QTMAN: variants seen among roughly 807,000 people sequenced by gnomAD.
QTMAN encodes tRNA-queuosine alpha-mannosyltransferase.
At chr2:144,309,014 G>A in the QTMAN span, among the ~76,000 whole-genome samples, 1 of 152,098 alleles carries the variant, frequency 6.6e-6, no homozygotes, top group Non-Finnish European at 1.5e-5. Flanking sequence ...ATGAATAAAT[G>A]AAAATATCAA....
the QTMAN span, among the ~76,000 whole-genome samples, chr2:144,027,219 C>T: frequency 3.9e-5 from 6 of 152,120 alleles, no homozygotes; most frequent in African/African-American, 1.4e-4. Flanking sequence ...TATATATACA[C>T]ACAAGACAAG....
At chr2:144,075,586 T>C in the QTMAN span, among the ~76,000 whole-genome samples, 1 of 152,208 alleles carries the variant, frequency 6.6e-6, no homozygotes, top group African/African-American at 2.4e-5. Flanking sequence ...GAAGTAGTGA[T>C]AGGACTCTAT....
At chr2:144,260,172 A>T in the QTMAN span, among the ~76,000 whole-genome samples, 1 of 152,190 alleles carries the variant, frequency 6.6e-6, no homozygotes, top group South Asian at 2.1e-4. Flanking sequence ...TCCTTATTGT[A>T]AAAAAATCAC....
the QTMAN span, among the ~76,000 whole-genome samples, chr2:144,188,738 C>T: frequency 6.7e-6 from 1 of 148,256 alleles, no homozygotes. Context: ...ATATTTAAAT[C>T]CCTCAAATAA....
At chr2:144,051,028 T>C in the QTMAN span, among the ~76,000 whole-genome samples, 2 of 152,176 alleles carry the variant, frequency 1.3e-5, no homozygotes, top group Non-Finnish European at 2.9e-5. Context: ...ACATTACAAA[T>C]TTTGTTAGAA....
the QTMAN span, among the ~76,000 whole-genome samples, chr2:144,310,908 T>A: frequency 6.6e-6 from 1 of 152,206 alleles, no homozygotes; most frequent in African/African-American, 2.4e-5. Flanking sequence ...AATAAAGATT[T>A]TTTTTTTGGC....
chr2:144,000,440 C>T, the QTMAN span, among the ~76,000 whole-genome samples: 1 of 151,894 alleles, frequency 6.6e-6, no homozygotes, highest in Non-Finnish European at 1.5e-5. Context: ...CTAAAGAAAA[C>T]TTATCACCAA....
At chr2:144,250,191 AATGGAGCCAT>A in the QTMAN span, among the ~76,000 whole-genome samples, 1 of 149,110 alleles carries the variant, frequency 6.7e-6, no homozygotes, top group East Asian at 2.0e-4. Flanking sequence ...GCTGGAGTGG[AATGGAGCCAT>A]ATTGGTATCT....
the QTMAN span, among the ~76,000 whole-genome samples, chr2:144,164,627 C>T: frequency 6.6e-6 from 1 of 152,070 alleles, no homozygotes; most frequent in Non-Finnish European, 1.5e-5. Context: ...TAACCATTTT[C>T]CAGAGCCACT....
At chr2:144,155,885 G>C in the QTMAN span, among the ~76,000 whole-genome samples, 1 of 151,442 alleles carries the variant, frequency 6.6e-6, no homozygotes, top group South Asian at 2.1e-4. Flanking sequence ...TGACAACTAA[G>C]CTGTTCCTGA....
the QTMAN span, among the ~76,000 whole-genome samples, chr2:144,305,913 C>T: frequency 2.6e-5 from 4 of 152,148 alleles, no homozygotes; most frequent in African/African-American, 9.7e-5. Flanking sequence ...ACCTTGCAAG[C>T]TTGTTGATCT....
the QTMAN span, among the ~76,000 whole-genome samples, chr2:144,198,387 C>T: frequency 6.6e-6 from 1 of 152,166 alleles, no homozygotes; most frequent in Non-Finnish European, 1.5e-5. Flanking sequence ...TTAACAAGTC[C>T]AAAGGCCACA....
chr2:144,189,435 C>A, the QTMAN span, among the ~76,000 whole-genome samples: 1 of 152,156 alleles, frequency 6.6e-6, no homozygotes, highest in Non-Finnish European at 1.5e-5. Flanking sequence ...GGAAGAATAA[C>A]AACTAAGTGA....
chr2:143,970,814 G>C, the QTMAN span: 12 of 1,020,230 alleles, frequency 1.2e-5, no homozygotes, highest in Non-Finnish European at 1.7e-5. Flanking sequence ...GCATGTGTTA[G>C]GAAAAGTGGT....
the QTMAN span, among the ~76,000 whole-genome samples, chr2:144,040,087 G>A: frequency 6.6e-6 from 1 of 152,138 alleles, no homozygotes; most frequent in African/African-American, 2.4e-5. Context: ...TCCATTGACT[G>A]TCTTTTTCTT....
the QTMAN span, among the ~76,000 whole-genome samples, chr2:144,001,754 A>G: frequency 6.6e-6 from 1 of 151,770 alleles, no homozygotes; most frequent in African/African-American, 2.4e-5. Context: ...GTTGAGGCAA[A>G]TTGTGTTTGG....
At chr2:144,267,531 T>G in the QTMAN span, among the ~76,000 whole-genome samples, 4 of 152,080 alleles carry the variant, frequency 2.6e-5, no homozygotes, top group African/African-American at 9.7e-5. Context: ...TTGCAAGGAG[T>G]TAATCATAAT....
the QTMAN span, among the ~76,000 whole-genome samples, chr2:144,289,661 C>T: frequency 6.6e-6 from 1 of 152,108 alleles, no homozygotes; most frequent in Non-Finnish European, 1.5e-5. Flanking sequence ...ATAAGACACA[C>T]AGATTATAAG....
At chr2:143,942,050 T>C in the QTMAN span, 1 of 165,486 alleles carries the variant, frequency 6.0e-6, no homozygotes, top group East Asian at 1.9e-4. Flanking sequence ...GTCATACCAA[T>C]ATTCCTAGGG....
Sources: allele counts gnomAD v4.1 joint callset (sites outside exome capture counted in the v4.1 genomes callset), GRCh38; gene constraint gnomAD v4.1.1; transcripts MANE v1.5; gene names NCBI Gene and HGNC (gene_info 2026-07-23, HGNC 2026-07-21).